The following TRAK2 variants were observed in gnomAD, a reference collection of about 807,000 sequenced individuals.
The protein encoded by TRAK2 is trafficking kinesin protein 2, also known as trafficking kinesin-binding protein 2.
In TRAK2, 81 loss-of-function variants were observed where a neutral mutation model predicts 104.6. That is an observed-to-expected ratio of 0.77 (90% CI 0.65 to 0.93). TRAK2 has a LOEUF of 0.93. Ranked by LOEUF, TRAK2 falls within the 40% of genes least tolerant of loss-of-function variation. The pLI is 0.00. For missense variants in TRAK2, 1,002 were observed against 1,089.0 expected (o/e 0.92, Z 1.12); for synonymous variants, 406 against 394.4 (o/e 1.03, Z -0.35).
chr2:201,434,115 G>A (rs974662274), intron 1 of TRAK2, among the ~76,000 whole-genome samples: 1 of 152,044 alleles, frequency 6.6e-6, no homozygotes, highest in Non-Finnish European at 1.5e-5. Context: ...CCGCCACCGC[G>A]CCCGGCTAAT....
chr2:201,392,056 G>C (rs988307856), intron 10 of TRAK2, among the ~76,000 whole-genome samples: 17 of 152,024 alleles, frequency 1.1e-4, no homozygotes, highest in African/African-American at 3.9e-4. Context: ...AAATGTCCTC[G>C]TTTTTAGTAA....
chr2:201,405,979 G>A (rs956092901), intron 3 of TRAK2, among the ~76,000 whole-genome samples: 2 of 151,878 alleles, frequency 1.3e-5, no homozygotes, highest in Non-Finnish European at 2.9e-5. Context: ...ACGAGACTCC[G>A]TCTCAAAAAA....
intron 2 of TRAK2, chr2:201,410,705 T>C (rs1951638252): frequency 2.1e-6 from 3 of 1,396,022 alleles, no homozygotes; most frequent in African/African-American, 2.8e-5. Flanking sequence ...GAACTGCCCG[T>C]AGCTGGAGAA....
intron 1 of TRAK2, among the ~76,000 whole-genome samples, chr2:201,449,208 G>C (rs1301438559): frequency 6.6e-6 from 1 of 152,142 alleles, no homozygotes; most frequent in Admixed American, 6.5e-5. Flanking sequence ...GATGTCCAAG[G>C]TGTGTGTTGG....
In TRAK2 at chr2:201,410,635, G is replaced by T. The variant is rs1576520741; in HGVS notation, c.92-3038C>A. On this transcript the variant is annotated intron_variant, in intron 2 of 15. Coordinates refer to ENST00000332624, the MANE Select transcript of TRAK2 (RefSeq NM_015049.3). Reference sequence around the variant, plus strand: ...TGCAAAGTTCTGTGGGTTGAAGAAAGGATTACCCTGCATACCAAAGGCAGA... The same window carrying T: ...TGCAAAGTTCTGTGGGTTGAAGAAATGATTACCCTGCATACCAAAGGCAGA... The T allele has an allele frequency of 3.9e-6, 5 of 1,295,346 alleles. No individual in the cohort carries two copies. The East Asian group carries it at 1.2e-4, about 30-fold the overall frequency. The allele number at this position is 1,295,346 out of a possible 1,614,324, so 80.2% of individuals were successfully genotyped here.
At position 201,389,323 on chromosome 2, in the gene TRAK2, C is replaced by A; in HGVS notation, c.1374G>T (p.Gly458=). Residue 458 remains glycine, a synonymous_variant, in exon 12 of 16, where the codon GGG becomes GGT. Transcript: ENST00000332624. The stretch of plus-strand genomic sequence containing the variant: ...ACCCTGCAACCTCCTCTGAGCTGCT[C>A]CCCTGGTTCAGGAGTGATTTGTCCT... ...QTEDKSLLNQ[G]SSSEEVAGSS... 1 of 1,614,118 alleles carries A rather than the reference C, an allele frequency of 6.2e-7. No homozygotes were observed. The highest frequency in any genetic ancestry group is 8.5e-7 in the Non-Finnish European group (1 of 1,180,014).
intron 10 of TRAK2, among the ~76,000 whole-genome samples, chr2:201,391,832 C>T (rs1001350038): frequency 1.3e-5 from 2 of 152,152 alleles, no homozygotes; most frequent in Admixed American, 6.5e-5. Context: ...AAACTGAGGA[C>T]ATCCTACAAA....
chr2:201,425,558 G>A (rs1225478598), intron 1 of TRAK2, among the ~76,000 whole-genome samples: 1 of 151,758 alleles, frequency 6.6e-6, no homozygotes, highest in East Asian at 1.9e-4. Context: ...CTGCCACCAC[G>A]CCTGGCTAAT....
intron 2 of TRAK2, chr2:201,412,645 G>C: frequency 6.4e-7 from 1 of 1,562,624 alleles, no homozygotes; most frequent in South Asian, 1.1e-5. Flanking sequence ...ACACAATGAA[G>C]GTAAATTTGG....
chr2:201,442,521 A>T (rs1345600220), intron 1 of TRAK2, among the ~76,000 whole-genome samples: 1 of 152,226 alleles, frequency 6.6e-6, no homozygotes, highest in Non-Finnish European at 1.5e-5. Flanking sequence ...ATAAAGAGGC[A>T]GTTAACTTCT....
chr2:201,403,568 A>T (rs1951567245), intron 3 of TRAK2, among the ~76,000 whole-genome samples: 1 of 152,206 alleles, frequency 6.6e-6, no homozygotes, highest in Non-Finnish European at 1.5e-5. Context: ...AACAGCATAG[A>T]TCCCAATTTT....
chr2:201,404,668 A>G (rs765447069), intron 3 of TRAK2, among the ~76,000 whole-genome samples: 1 of 152,208 alleles, frequency 6.6e-6, no homozygotes, highest in Non-Finnish European at 1.5e-5. Flanking sequence ...TAGTTCTCTC[A>G]TATGTCCCTT....
rs549031423 is a variant in TRAK2 at position 201,408,915 on chromosome 2, T to C, written c.92-1318A>G. 5.9e-5 allele frequency among the ~76,000 whole-genome samples: 9 copies of C among 152,366 alleles called. No homozygotes were observed. The East Asian group carries it at 1.3e-3, about 23-fold the overall frequency. ...ATTAAATTTTACTGAGCACTGGTAC[T>C]GAAATAAGTCCTTTATCATTTTTAT... On this transcript the variant is annotated intron_variant, in intron 2 of 15. Coordinates refer to ENST00000332624, the MANE Select transcript of TRAK2 (RefSeq NM_015049.3).
Position 201,377,810 on chromosome 2 carries a change from A to G in TRAK2, c.*2733T>C, listed in dbSNP as rs987406447. On this transcript the variant is annotated 3_prime_UTR_variant, in exon 16 of 16. Coordinates refer to ENST00000332624, the MANE Select transcript of TRAK2 (RefSeq NM_015049.3). ...CTTTTAATTCTGAGCTCGGGAAGAT[A>G]TTTCTCCTATTAGACAATAGGACAC... The G allele has an allele frequency of 2.0e-5, 3 of 152,218 alleles. No individual in the cohort carries two copies. Among genetic ancestry groups the G allele is most frequent in the African/African-American group, 7.3e-5 (3 of 41,288 alleles). The allele number at this position is 152,218 out of a possible 1,614,324, so 9.4% of individuals were successfully genotyped here. A position where few individuals can be genotyped will look rare whatever the true frequency, so the allele number is the denominator to read the frequency against.
Position 201,407,547 on chromosome 2 carries a change from C to G in TRAK2, c.142G>C (p.Glu48Gln), listed in dbSNP as rs760612528. The G allele has an allele frequency of 6.2e-7, 1 of 1,614,006 alleles. No individual in the cohort carries two copies. The highest frequency in any genetic ancestry group is 2.2e-5 in the East Asian group (1 of 44,878). Residue 48 changes from glutamate to glutamine, a missense_variant, in exon 3 of 16, where the codon GAA (glutamate) becomes CAA (glutamine). By Grantham distance (29) the Glu-to-Gln change is conservative (BLOSUM62 2). Coordinates refer to ENST00000332624, the MANE Select transcript of TRAK2 (RefSeq NM_015049.3). ...LPEVELVSLL[E>Q]EQLPQYRLKV... ...AGCCTATACTGTGGTAGTTGTTCTT[C>G]TAGCAGACTCACCAGCTCAACTTCA...
chr2:201,394,886 A>T lies in TRAK2; in HGVS notation c.901-14T>A, dbSNP rs1206504086. On this transcript the variant is annotated splice_polypyrimidine_tract_variant and intron_variant, in intron 8 of 15. Coordinates refer to ENST00000332624, the MANE Select transcript of TRAK2 (RefSeq NM_015049.3). ...CTCAATCACATGCTAACAACATATT[A>T]AAAAAGACATGTGAAGCCTTTCCAA... 3 of 1,608,226 alleles carry T rather than the reference A, an allele frequency of 1.9e-6. No homozygotes were observed. The highest frequency in any genetic ancestry group is 1.1e-5 in the South Asian group (1 of 90,244).
At chr2:201,432,144 AG>A (rs1173517488) in intron 1 of TRAK2, among the ~76,000 whole-genome samples, 3 of 152,210 alleles carry the variant, frequency 2.0e-5, no homozygotes, top group Non-Finnish European at 4.4e-5. Flanking sequence ...ATTGCTTGAT[AG>A]CATCTTCTTT....
chr2:201,446,502 T>C (rs1305972542), intron 1 of TRAK2, among the ~76,000 whole-genome samples: 1 of 152,262 alleles, frequency 6.6e-6, no homozygotes, highest in African/African-American at 2.4e-5. Context: ...TCTGATAAAC[T>C]GCATGCCTCT....
intron 12 of TRAK2, 141 bp from the exon 13 acceptor site, chr2:201,388,142 T>A: frequency 1.1e-6 from 1 of 886,004 alleles, no homozygotes; most frequent in African/African-American, 1.6e-5. Context: ...ATAGAAGTAA[T>A]AACAACAAAC....
Sources: gnomAD v4.1 joint callset for allele counts (sites outside exome capture counted in the v4.1 genomes callset) on GRCh38, gnomAD v4.1.1 for gene constraint, MANE v1.5 for transcripts, NCBI Gene and HGNC (gene_info 2026-07-23, HGNC 2026-07-21) for gene names.